ASIC2: variants seen among roughly 807,000 people sequenced by gnomAD.
ASIC2 encodes acid-sensing ion channel 2.
In ASIC2, 25 loss-of-function variants were observed where a neutral mutation model predicts 57.3. The observed-to-expected ratio is 0.44, with a 90% CI of 0.32 to 0.61. The LOEUF (loss-of-function observed/expected upper bound fraction) is 0.61. Among genes scored for constraint, ASIC2 ranks in the 20% least tolerant of loss-of-function variants. ASIC2 has a pLI of 0.06. For missense variants in ASIC2, 641 were observed against 738.1 expected (o/e 0.87, Z 1.52); for synonymous variants, 319 against 307.5 (o/e 1.04, Z -0.39).
intron 1 of ASIC2, among the ~76,000 whole-genome samples, chr17:34,097,804 A>G (rs9905365): frequency 0.024 from 3,645 of 151,994 alleles, 131 homozygotes; most frequent in African/African-American, 0.071. Context: ...ATCTCACTTT[A>G]CCCTCCCCCA....
At chr17:33,155,567 T>TC (rs1190296968) in intron 1 of ASIC2, among the ~76,000 whole-genome samples, 18 of 149,670 alleles carry the variant, frequency 1.2e-4, no homozygotes, top group South Asian at 4.3e-4. Flanking sequence ...TTTCTTTCTT[T>TC]TTTTTTTTTT....
At chr17:33,561,106 C>T (rs6505354) in intron 1 of ASIC2, among the ~76,000 whole-genome samples, 14,996 of 152,018 alleles carry the variant, frequency 0.099, 1,922 homozygotes, top group African/African-American at 0.3. Context: ...ATCGTTATGA[C>T]GAAAAGGGAG....
At chr17:33,623,158 G>GTGA (rs1905852526) in intron 1 of ASIC2, among the ~76,000 whole-genome samples, 1 of 152,166 alleles carries the variant, frequency 6.6e-6, no homozygotes, top group East Asian at 1.9e-4. Flanking sequence ...TTTCTGGCAA[G>GTGA]TGATGACTCC....
chr17:33,790,436 G>C (rs1911738023), intron 1 of ASIC2, among the ~76,000 whole-genome samples: 3 of 152,170 alleles, frequency 2.0e-5, no homozygotes. Context: ...GGGTCAAGCA[G>C]CTAATTAATA....
chr17:33,388,971 T>A (rs1461206583), intron 1 of ASIC2, among the ~76,000 whole-genome samples: 1 of 152,128 alleles, frequency 6.6e-6, no homozygotes, highest in East Asian at 1.9e-4. Flanking sequence ...TTTGTTTGTT[T>A]GTTTTTGAGA....
chr17:33,158,017 T>C (rs1905057262), intron 1 of ASIC2, among the ~76,000 whole-genome samples: 1 of 152,158 alleles, frequency 6.6e-6, no homozygotes, highest in South Asian at 2.1e-4. Flanking sequence ...GGCTTTCTGC[T>C]CTCCCATCCT....
chr17:33,430,894 G>T (rs1911391548), intron 1 of ASIC2, among the ~76,000 whole-genome samples: 1 of 152,122 alleles, frequency 6.6e-6, no homozygotes, highest in Admixed American at 6.6e-5. Context: ...AAATGTCCAT[G>T]CACATTGGGT....
intron 1 of ASIC2, among the ~76,000 whole-genome samples, chr17:33,683,762 C>A (rs997027099): frequency 1.3e-5 from 2 of 152,094 alleles, no homozygotes; most frequent in Admixed American, 6.6e-5. Flanking sequence ...AGGCTGGTCT[C>A]AAACTCCTGG....
chr17:34,085,867 G>T (rs1304675092), intron 1 of ASIC2, among the ~76,000 whole-genome samples: 1 of 151,732 alleles, frequency 6.6e-6, no homozygotes, highest in Admixed American at 6.6e-5. Context: ...TTGTATTTCT[G>T]TGGGATCGGT....
At chr17:33,991,453 C>A (rs545477562) in intron 1 of ASIC2, among the ~76,000 whole-genome samples, 1 of 152,160 alleles carries the variant, frequency 6.6e-6, no homozygotes, top group Non-Finnish European at 1.5e-5. Flanking sequence ...ATCCTGCCAC[C>A]GGCTACATGT....
chr17:34,027,718 C>T (rs1377076408), intron 1 of ASIC2, among the ~76,000 whole-genome samples: 1 of 152,206 alleles, frequency 6.6e-6, no homozygotes, highest in Non-Finnish European at 1.5e-5. Flanking sequence ...CTGTCGTTAG[C>T]ACACCCTCCA....
rs115727818 is a variant in ASIC2, at chr17:33,765,889, T to C, written c.555+390089A>G. On this transcript the variant is annotated intron_variant, in intron 1 of 9. Transcript: ENST00000359872. The stretch of plus-strand genomic sequence containing the variant: ...ACCGCACAGCCCCAGATGTGGGCAA[T>C]GTATTCCCCATGCAGTATCTTATGA... 8.9e-3 allele frequency among the ~76,000 whole-genome samples: 1,361 copies of C among 152,292 alleles called. 18 individuals carry two copies. Among genetic ancestry groups the C allele is most frequent in the African/African-American group, 0.031 (1,296 of 41,550 alleles).
intron 1 of ASIC2, among the ~76,000 whole-genome samples, chr17:33,225,962 G>T (rs1907865681): frequency 6.6e-6 from 1 of 152,034 alleles, no homozygotes; most frequent in African/African-American, 2.4e-5. Context: ...ATCAAAAATT[G>T]TTAGCTCTCC....
rs569601384 is a variant in ASIC2, at chr17:33,082,143, C to T, written c.987+6720G>A. On this transcript the variant is annotated intron_variant, in intron 3 of 9. Transcript: ENST00000225823. ...GAAGTCTCTGGGAAGGGACATTCAA[C>T]CCTGGCTCCCCAAGGTGTTTCTGAG... 8.3e-4 allele frequency among the ~76,000 whole-genome samples: 126 copies of T among 152,160 alleles called. 1 individual carries two copies. The Middle Eastern group carries it at 0.02, about 25-fold the overall frequency.
At chr17:33,721,585 G>A (rs1445823572) in intron 1 of ASIC2, among the ~76,000 whole-genome samples, 1 of 152,190 alleles carries the variant, frequency 6.6e-6, no homozygotes, top group African/African-American at 2.4e-5. Context: ...ATTAGACAAA[G>A]AGCAGGACCG....
At chr17:33,155,275 GC>G (rs1354976047) in intron 1 of ASIC2, among the ~76,000 whole-genome samples, 3 of 152,248 alleles carry the variant, frequency 2.0e-5, no homozygotes, top group Non-Finnish European at 4.4e-5. Context: ...TGATTCAAGC[GC>G]CGGGTGGGCG....
At position 33,292,278 on chromosome 17, in the gene ASIC2, C is replaced by T. The variant is rs1905517842; in HGVS notation, c.-163G>A. 3.0e-6 allele frequency: 3 copies of T among 988,102 alleles called. No individual in the cohort carries two copies. The highest frequency in any genetic ancestry group is 6.2e-5 in the Admixed American group (1 of 16,214). The allele number at this position is 988,102 out of a possible 1,614,324, so 61.2% of individuals were successfully genotyped here. Reference sequence around the variant, plus strand: ...GCTCCGGTGGCGCGGCATGCCCGCCCGGCGCCGCCGCTGCCGCCTCCGCGG... The same window carrying T: ...GCTCCGGTGGCGCGGCATGCCCGCCTGGCGCCGCCGCTGCCGCCTCCGCGG... On this transcript the variant is annotated 5_prime_UTR_variant, in exon 1 of 10. Transcript: ENST00000225823.
At chr17:33,350,394 C>T (rs1316244445) in intron 1 of ASIC2, among the ~76,000 whole-genome samples, 1 of 152,110 alleles carries the variant, frequency 6.6e-6, no homozygotes, top group Non-Finnish European at 1.5e-5. Context: ...TTTACTTAAT[C>T]ACTGGCCAGG....
intron 1 of ASIC2, among the ~76,000 whole-genome samples, chr17:33,676,583 C>T (rs1451483937): frequency 6.6e-6 from 1 of 152,220 alleles, no homozygotes; most frequent in Admixed American, 6.5e-5. Context: ...AGGCTCTAAC[C>T]CACTTCAATT....
Sources: allele counts gnomAD v4.1 joint callset (sites outside exome capture counted in the v4.1 genomes callset), GRCh38; gene constraint gnomAD v4.1.1; transcripts MANE v1.5; gene names NCBI Gene and HGNC (gene_info 2026-07-23, HGNC 2026-07-21).